The following RSRC1 variants were observed in gnomAD, a reference collection of about 807,000 sequenced individuals.
RSRC1 encodes the protein arginine and serine rich coiled-coil 1, also known as serine/Arginine-related protein 53.
Under a neutral mutation model 49.1 loss-of-function variants are expected in RSRC1, and 39 were observed. The observed-to-expected ratio is 0.79, with a 90% confidence interval of 0.61 to 1.04. RSRC1 has a LOEUF of 1.04. Ranked by LOEUF, RSRC1 falls within the 50% of genes least tolerant of loss-of-function variation. RSRC1 has a pLI of 0.00. For missense variants in RSRC1, 388 were observed against 402.4 expected (o/e 0.96, Z 0.31); for synonymous variants, 143 against 130.8 (o/e 1.09, Z -0.63).
intron 4 of RSRC1, among the ~76,000 whole-genome samples, chr3:158,243,908 C>T (rs562685780): frequency 7.5e-5 from 11 of 147,316 alleles, no homozygotes; most frequent in Middle Eastern, 3.6e-3. Flanking sequence ...TGAGACTTTG[C>T]TGAAGTTTCT....
intron 4 of RSRC1, among the ~76,000 whole-genome samples, chr3:158,296,533 A>T (rs1578303452): frequency 6.6e-6 from 1 of 152,082 alleles, no homozygotes; most frequent in South Asian, 2.1e-4. Flanking sequence ...ATTTTAAGTT[A>T]TACAAATAAC....
At chr3:158,499,422 A>T (rs1304474673) in intron 7 of RSRC1, among the ~76,000 whole-genome samples, 9 of 151,644 alleles carry the variant, frequency 5.9e-5, no homozygotes, top group Admixed American at 5.3e-4. Flanking sequence ...GTGAAGAATG[A>T]TGGTGGTATT....
At chr3:158,319,249 A>T (rs1304571090) in intron 5 of RSRC1, among the ~76,000 whole-genome samples, 8 of 151,988 alleles carry the variant, frequency 5.3e-5, no homozygotes, top group African/African-American at 1.9e-4. Context: ...GATAATCGTG[A>T]GTGAGTTATC....
chr3:158,285,110 A>G (rs1181702463), intron 4 of RSRC1, among the ~76,000 whole-genome samples: 1 of 152,148 alleles, frequency 6.6e-6, no homozygotes, highest in African/African-American at 2.4e-5. Flanking sequence ...CTTTCTACAT[A>G]TGGCTAGCCA....
intron 4 of RSRC1, among the ~76,000 whole-genome samples, chr3:158,205,932 A>G (rs556374162): frequency 2.0e-5 from 3 of 152,180 alleles, no homozygotes; most frequent in Non-Finnish European, 4.4e-5. Context: ...TGCAAGTTGG[A>G]GAAGATTGGG....
intron 3 of RSRC1, among the ~76,000 whole-genome samples, chr3:158,131,233 G>A (rs919852447): frequency 2.6e-5 from 4 of 151,670 alleles, no homozygotes; most frequent in African/African-American, 7.3e-5. Flanking sequence ...CCTTTTATAA[G>A]ACTGAAGAAG....
intron 6 of RSRC1, among the ~76,000 whole-genome samples, chr3:158,422,321 C>T (rs1487083611): frequency 3.5e-5 from 5 of 142,954 alleles, no homozygotes; most frequent in East Asian, 2.1e-4. Context: ...TGAGAATATG[C>T]GGTGTTTGGT....
intron 4 of RSRC1, among the ~76,000 whole-genome samples, chr3:158,255,539 GA>G (rs1724492621): frequency 1.3e-5 from 2 of 152,204 alleles, no homozygotes; most frequent in South Asian, 4.1e-4. Context: ...GATTGACTTG[GA>G]GATGCGGGCT....
intron 6 of RSRC1, among the ~76,000 whole-genome samples, chr3:158,402,179 A>G (rs1291975546): frequency 2.0e-5 from 3 of 151,922 alleles, no homozygotes; most frequent in Admixed American, 1.3e-4. Context: ...TCCATCATTC[A>G]TTTGACATAT....
chr3:158,491,935 C>A (rs2108448288), intron 7 of RSRC1, among the ~76,000 whole-genome samples: 1 of 152,144 alleles, frequency 6.6e-6, no homozygotes, highest in African/African-American at 2.4e-5. Context: ...GTTTTTTAAA[C>A]CTGTGTGTAT....
chr3:158,129,102 A>G (rs916830138), intron 3 of RSRC1, among the ~76,000 whole-genome samples: 7 of 152,080 alleles, frequency 4.6e-5, no homozygotes, highest in African/African-American at 1.7e-4. Flanking sequence ...TTTTCTAACT[A>G]TAAGTATTCT....
At chr3:158,243,298 A>G (rs781380383) in intron 4 of RSRC1, among the ~76,000 whole-genome samples, 13 of 152,136 alleles carry the variant, frequency 8.5e-5, no homozygotes, top group Non-Finnish European at 1.8e-4. Flanking sequence ...CCATTTATTA[A>G]ATAGGGAATC....
intron 3 of RSRC1, among the ~76,000 whole-genome samples, chr3:158,154,818 C>T (rs1228381170): frequency 1.3e-5 from 2 of 152,174 alleles, no homozygotes; most frequent in Non-Finnish European, 1.5e-5. Flanking sequence ...GCTTTATCAA[C>T]TAAGTTTATG....
chr3:158,495,204 T>G (rs1228855490), intron 7 of RSRC1, among the ~76,000 whole-genome samples: 3 of 152,172 alleles, frequency 2.0e-5, no homozygotes, highest in Admixed American at 1.3e-4. Context: ...CCAACACATT[T>G]TTGCACATTA....
At chr3:158,223,601 T>G (rs951167188) in intron 4 of RSRC1, among the ~76,000 whole-genome samples, 7 of 151,074 alleles carry the variant, frequency 4.6e-5, no homozygotes, top group Non-Finnish European at 8.9e-5. Context: ...TTTTTTTTTT[T>G]GCTTTCAATC....
intron 3 of RSRC1, among the ~76,000 whole-genome samples, chr3:158,142,799 A>G (rs147046889): frequency 6.6e-6 from 1 of 152,136 alleles, no homozygotes; most frequent in African/African-American, 2.4e-5. Context: ...ACTGGGGATT[A>G]TATTTCAACA....
intron 7 of RSRC1, among the ~76,000 whole-genome samples, chr3:158,485,906 A>G (rs1192567677): frequency 1.3e-5 from 2 of 152,208 alleles, no homozygotes; most frequent in African/African-American, 4.8e-5. Context: ...ATGTGAAGTC[A>G]TATGCGTATA....
At chr3:158,349,297 GT>G (rs1434638143) in intron 5 of RSRC1, among the ~76,000 whole-genome samples, 3 of 151,986 alleles carry the variant, frequency 2.0e-5, no homozygotes, top group Non-Finnish European at 4.4e-5. Flanking sequence ...TCTCAGTGTA[GT>G]TTTAAATTTG....
chr3:158,274,887 A>T (rs1241221975), intron 4 of RSRC1, among the ~76,000 whole-genome samples: 1 of 152,178 alleles, frequency 6.6e-6, no homozygotes, highest in East Asian at 1.9e-4. Context: ...AGCCTATGGG[A>T]ATACACACAG....
Sources: gnomAD v4.1 joint callset for allele counts (sites outside exome capture counted in the v4.1 genomes callset) on GRCh38, gnomAD v4.1.1 for gene constraint, MANE v1.5 for transcripts, NCBI Gene and HGNC (gene_info 2026-07-23, HGNC 2026-07-21) for gene names.